EVC: variants seen among roughly 807,000 people sequenced by gnomAD.
EVC encodes evC complex member EVC.
Under a neutral mutation model 118.9 loss-of-function variants are expected in EVC, and 116 were observed. The observed-to-expected ratio is 0.98, with a 90% CI of 0.84 to 1.14. EVC has a LOEUF of 1.14. Ranked by LOEUF, EVC falls within the 50% of genes most tolerant of loss-of-function variation. The pLI is 0.00. For synonymous variants in EVC, 619 were observed against 534.7 expected (o/e 1.16, Z -2.18); for missense variants, 1,401 against 1,246.4 (o/e 1.12, Z -1.87).
At chr4:5,820,871 G>C in the EVC span, 2 of 152,184 alleles carry the variant, frequency 1.3e-5, no homozygotes, top group South Asian at 2.1e-4. Context: ...GTAAAAATGG[G>C]AGTGATTACA....
At chr4:5,712,337 A>G (rs771022780) in intron 1 of EVC, among the ~76,000 whole-genome samples, 2 of 152,248 alleles carry the variant, frequency 1.3e-5, no homozygotes, top group Non-Finnish European at 2.9e-5. Context: ...CTAAAGTGAC[A>G]GAAGTGTCTA....
In EVC at chr4:5,746,120, A is replaced by AGCCAGAGGGATCTG. The variant is rs1729323160; in HGVS notation, c.939+789_939+802dup. ...CTGAGAGCAAGTCGAGGTAAGGTAA[A>AGCCAGAGGGATCTG]GCCAGAGGGATCTGGCCAGAGGGCT... On this transcript the variant is annotated intron_variant, in intron 7 of 20. Transcript: ENST00000264956. This position sits in a 1 kb window ranked among gnomAD's most constrained non-coding sequence, Gnocchi z 5.8. 6.8e-6 allele frequency among the ~76,000 whole-genome samples: 1 copy of AGCCAGAGGGATCTG among 147,330 alleles called. No homozygotes were observed. The highest frequency in any genetic ancestry group is 6.8e-5 in the Admixed American group (1 of 14,664).
At position 5,810,383 on chromosome 4, in the gene EVC, A is replaced by G. The variant is rs760434057; in HGVS notation, c.2827A>G (p.Arg943Gly). The G allele has an allele frequency of 6.2e-7, 1 of 1,613,962 alleles. No individual in the cohort carries two copies. The highest frequency in any genetic ancestry group is 2.2e-5 in the East Asian group (1 of 44,872). ...TKRKKPLPQE[R>G]GDLGVPNNED... ...AAGGAAGAAGCCCCTGCCCCAGGAA[A>G]GAGGGGACCTGGGGGTGCCCAACAA... Residue 943 changes from arginine (R) to glycine (G), a missense_variant, in exon 20 of 21, where the codon AGA (arginine) becomes GGA (glycine). Transcript: ENST00000264956.
downstream of EVC, among the ~76,000 whole-genome samples, chr4:5,817,695 C>T (rs1401905376): frequency 3.9e-5 from 6 of 152,178 alleles, no homozygotes; most frequent in African/African-American, 9.7e-5. Context: ...CCACACTCTG[C>T]CTTGGAAAGA....
chr4:5,779,515 A>G (rs1446259077), intron 11 of EVC, among the ~76,000 whole-genome samples: 3 of 147,158 alleles, frequency 2.0e-5, no homozygotes, highest in Non-Finnish European at 4.5e-5. Context: ...CTTTTATTTC[A>G]TTGAGCAGTA....
chr4:5,828,228 T>C, the EVC span: 1 of 985,314 alleles, frequency 1.0e-6, no homozygotes, highest in Non-Finnish European at 1.2e-6. Context: ...TAAGCGTCCC[T>C]CCCATGATCC....
At chr4:5,761,166 T>C (rs1218272291) in intron 11 of EVC, among the ~76,000 whole-genome samples, 1 of 152,048 alleles carries the variant, frequency 6.6e-6, no homozygotes, top group Non-Finnish European at 1.5e-5. Flanking sequence ...GCCCATTTAC[T>C]TTAAAGGCTG....
At chr4:5,788,700 A>T (rs143646071) in intron 12 of EVC, among the ~76,000 whole-genome samples, 95 of 152,260 alleles carry the variant, frequency 6.2e-4, no homozygotes, top group Non-Finnish European at 1.2e-3. Flanking sequence ...ACCACTATTC[A>T]GCACCTCCCC....
At chr4:5,734,627 G>A (rs184929094) in intron 5 of EVC, among the ~76,000 whole-genome samples, 3 of 152,110 alleles carry the variant, frequency 2.0e-5, no homozygotes, top group South Asian at 2.1e-4. Flanking sequence ...ACTGCACTCC[G>A]ACCTGGGCAA....
chr4:5,729,306 G>A lies in EVC; in HGVS notation c.301-1G>A, dbSNP rs1363547577. The A allele has an allele frequency of 1.5e-5, 24 of 1,614,070 alleles. No homozygotes were observed. The highest frequency in any genetic ancestry group is 2.0e-5 in the Non-Finnish European group (24 of 1,180,008). On this transcript the variant is annotated splice_acceptor_variant, in intron 2 of 20. Coordinates refer to ENST00000264956, the MANE Select transcript of EVC (RefSeq NM_153717.3). LOFTEE classifies it high-confidence loss of function. Reference sequence around the variant, plus strand: ...ATGCCGTTTGTGTCTTTCCCTCCCAGGAATGTGAGCCGCCTTCCAACAGCA... The same window carrying A: ...ATGCCGTTTGTGTCTTTCCCTCCCAAGAATGTGAGCCGCCTTCCAACAGCA...
chr4:5,770,345 T>C (rs541192655), intron 11 of EVC, among the ~76,000 whole-genome samples: 1 of 152,234 alleles, frequency 6.6e-6, no homozygotes, highest in East Asian at 1.9e-4. Flanking sequence ...TAGCATAGAC[T>C]ATCAAGGCCG....
chr4:5,796,249 G>C (rs1305941159), intron 13 of EVC, among the ~76,000 whole-genome samples: 4 of 151,806 alleles, frequency 2.6e-5, no homozygotes, highest in African/African-American at 7.3e-5. Context: ...GGTTGTGTCT[G>C]ACGATTCTGT....
At chr4:5,715,670 C>T (rs115447119) in intron 1 of EVC, among the ~76,000 whole-genome samples, 1,572 of 151,078 alleles carry the variant, frequency 0.01, 29 homozygotes, top group African/African-American at 0.036. Flanking sequence ...TATCTTTATA[C>T]TTAATTTGGT....
chr4:5,820,459 T>G, the EVC span, among the ~76,000 whole-genome samples: 7 of 152,202 alleles, frequency 4.6e-5, no homozygotes, highest in African/African-American at 7.2e-5. Flanking sequence ...AGATTGGAGC[T>G]TCCAGTCTGA....
Position 5,719,312 on chromosome 4 carries a change from G to A in EVC, c.239G>A (p.Gly80Asp). ...ESNAQTPSET[G>D]SPSRRRKREV... ...AATGCGCAGACCCCCTCGGAAACTG[G>A]CTCCCCATCAAGGAGGAGGAAGAGA... Residue 80 changes from glycine to aspartate, a missense_variant, in exon 2 of 21, where the codon GGC becomes GAC. Physicochemically the swap from Gly to Asp is moderately conservative, Grantham distance 94 (BLOSUM62 -1). Transcript: ENST00000264956. This position sits in a 1 kb window ranked among gnomAD's most constrained non-coding sequence, Gnocchi z 4.7. The A allele has an allele frequency of 6.2e-7, 1 of 1,614,166 alleles. No individual in the cohort carries two copies. The highest frequency in any genetic ancestry group is 8.5e-7 in the Non-Finnish European group (1 of 1,180,020).
chr4:5,751,040 T>G (rs1730277164), intron 8 of EVC, among the ~76,000 whole-genome samples: 1 of 152,134 alleles, frequency 6.6e-6, no homozygotes, highest in African/African-American at 2.4e-5. Flanking sequence ...TTCAGTTTCT[T>G]GAGACTCACA....
In EVC at chr4:5,729,317, C is replaced by T. The variant is rs201640469; in HGVS notation, c.311C>T (p.Pro104Leu). 35 of 1,614,072 alleles carry T rather than the reference C, an allele frequency of 2.2e-5. No homozygotes were observed. In the South Asian group the frequency reaches 2.3e-4, roughly 11 times the overall value. ...KDKEAVDECE[P>L]PSNSNITAFA... ...GTCTTTCCCTCCCAGGAATGTGAGC[C>T]GCCTTCCAACAGCAATATCACAGCA... The change falls in exon 3 of 21, where the codon CCG (proline) becomes CTG (leucine). Residue 104 changes from proline to leucine, a missense_variant. Transcript: ENST00000264956.
intron 11 of EVC, among the ~76,000 whole-genome samples, chr4:5,778,963 T>C (rs1735168144): frequency 6.6e-6 from 1 of 152,204 alleles, no homozygotes; most frequent in Non-Finnish European, 1.5e-5. Context: ...CTAGGGTTTT[T>C]ATGGTTTTAG....
chr4:5,748,709 CA>C (rs1729843887), intron 8 of EVC, among the ~76,000 whole-genome samples: 1 of 104,458 alleles, frequency 9.6e-6, no homozygotes, highest in Non-Finnish European at 1.9e-5. Flanking sequence ...CCCGTCCACC[CA>C]TCCACCCACC....
Sources: gnomAD v4.1 joint callset for allele counts (sites outside exome capture counted in the v4.1 genomes callset) on GRCh38, gnomAD v4.1.1 for gene constraint, Gnocchi (gnomAD v3.1) non-coding constraint, MANE v1.5 for transcripts, NCBI Gene and HGNC (gene_info 2026-07-23, HGNC 2026-07-21) for gene names.